Variants in MBD2 observed in about 807,000 individuals in gnomAD.
The protein encoded by MBD2 is methyl-CpG-binding domain protein 2.
MBD2 carries 9 observed loss-of-function variants against 39.3 expected under a neutral mutation model. That is an observed-to-expected ratio of 0.23 (90% confidence interval 0.14 to 0.40). MBD2 has a LOEUF of 0.40. MBD2 is among the 10% of genes least tolerant of loss of function. MBD2 has a pLI of 1.00. For synonymous variants in MBD2, 233 were observed against 211.1 expected (o/e 1.10, Z -0.90); for missense variants, 458 against 532.6 (o/e 0.86, Z 1.38).
chr18:54,215,797 T>C (rs2086554392), intron 1 of MBD2, among the ~76,000 whole-genome samples: 1 of 150,196 alleles, frequency 6.7e-6, no homozygotes, highest in African/African-American at 2.5e-5. Flanking sequence ...CCCGGCCTTT[T>C]TTTTTTTGTT....
At chr18:54,160,476 C>T (rs919536995) in intron 5 of MBD2, among the ~76,000 whole-genome samples, 9 of 151,544 alleles carry the variant, frequency 5.9e-5, no homozygotes, top group African/African-American at 2.2e-4. Flanking sequence ...ACTGAAAAGC[C>T]TCTCTTCAAA....
At chr18:54,177,727 G>A (rs545589489) in intron 3 of MBD2, among the ~76,000 whole-genome samples, 1 of 149,612 alleles carries the variant, frequency 6.7e-6, no homozygotes, top group Non-Finnish European at 1.5e-5. Flanking sequence ...TTATCCGCCC[G>A]CCTCAGCCTC....
At chr18:54,170,423 C>T (rs1599079692) in intron 3 of MBD2, among the ~76,000 whole-genome samples, 1 of 152,196 alleles carries the variant, frequency 6.6e-6, no homozygotes, top group African/African-American at 2.4e-5. Context: ...TCACAAACAA[C>T]TCCTCGCCAC....
intron 3 of MBD2, among the ~76,000 whole-genome samples, chr18:54,170,697 C>T (rs1289047009): frequency 6.6e-6 from 1 of 152,174 alleles, no homozygotes; most frequent in Admixed American, 6.5e-5. Flanking sequence ...AATCGCTGCC[C>T]TCCAGGAGGT....
At chr18:54,197,730 C>T (rs1373873326) in intron 2 of MBD2, among the ~76,000 whole-genome samples, 2 of 152,160 alleles carry the variant, frequency 1.3e-5, no homozygotes, top group Admixed American at 6.5e-5. Flanking sequence ...CACGGGCACG[C>T]GTCTAGATCA....
At chr18:54,156,334 G>A (rs1419611625) in intron 6 of MBD2, among the ~76,000 whole-genome samples, 1 of 152,098 alleles carries the variant, frequency 6.6e-6, no homozygotes, top group Non-Finnish European at 1.5e-5. Flanking sequence ...TAAATAATTT[G>A]AATCTCTCCC....
intron 3 of MBD2, among the ~76,000 whole-genome samples, chr18:54,170,913 G>A (rs1025246983): frequency 7.2e-5 from 11 of 152,184 alleles, no homozygotes; most frequent in African/African-American, 2.7e-4. Context: ...GTGCAGGTCA[G>A]TGTTTCTAAA....
chr18:54,193,166 T>C (rs1020925618), intron 2 of MBD2, among the ~76,000 whole-genome samples: 1 of 152,224 alleles, frequency 6.6e-6, no homozygotes, highest in South Asian at 2.1e-4. Context: ...ACTATTAATT[T>C]ATGCCCAGTT....
chr18:54,222,905 A>G (rs1332050584), intron 1 of MBD2, among the ~76,000 whole-genome samples: 1 of 152,242 alleles, frequency 6.6e-6, no homozygotes, highest in South Asian at 2.1e-4. Flanking sequence ...TTAGTTCATA[A>G]GCATGGTATG....
chr18:54,170,857 A>C (rs1406322364), intron 3 of MBD2, among the ~76,000 whole-genome samples: 1 of 152,206 alleles, frequency 6.6e-6, no homozygotes, highest in Non-Finnish European at 1.5e-5. Context: ...TAGAAGAGAA[A>C]AGACTATTCC....
At chr18:54,220,067 C>T (rs1174545808) in intron 1 of MBD2, among the ~76,000 whole-genome samples, 7 of 152,174 alleles carry the variant, frequency 4.6e-5, no homozygotes, top group African/African-American at 1.7e-4. Context: ...TCCCAAAGTG[C>T]TGGGATTACA....
intron 2 of MBD2, among the ~76,000 whole-genome samples, chr18:54,202,231 T>C (rs1461700766): frequency 1.3e-5 from 2 of 151,810 alleles, no homozygotes; most frequent in Non-Finnish European, 2.9e-5. Context: ...TAATCCCAGC[T>C]ACTCAGGAGG....
At chr18:54,218,049 C>CA (rs1447569347) in intron 1 of MBD2, among the ~76,000 whole-genome samples, 2 of 152,148 alleles carry the variant, frequency 1.3e-5, no homozygotes, top group Non-Finnish European at 2.9e-5. Flanking sequence ...TAAAGCAAGC[C>CA]AAACTTTCTA....
At chr18:54,220,726 T>C (rs2086604396) in intron 1 of MBD2, among the ~76,000 whole-genome samples, 1 of 152,246 alleles carries the variant, frequency 6.6e-6, no homozygotes. Flanking sequence ...GACACTAATA[T>C]GTAAAGCAGT....
rs747776050 is a variant in MBD2, at chr18:54,154,287, G to C, written c.*1037C>G. Reference sequence around the variant, plus strand: ...TTCAAGTGGTATGAAAGTTACACTCGCGAGTTTCAACAGAAAAAGAATGTT... The same window carrying C: ...TTCAAGTGGTATGAAAGTTACACTCCCGAGTTTCAACAGAAAAAGAATGTT... On this transcript the variant is annotated 3_prime_UTR_variant, in exon 7 of 7. Transcript: ENST00000256429. 6.6e-6 allele frequency: 1 copy of C among 152,052 alleles called. No homozygotes were observed. Among genetic ancestry groups the C allele is most frequent in the Admixed American group, 6.6e-5 (1 of 15,266 alleles). The allele number at this position is 152,052 out of a possible 1,614,324, so 9.4% of individuals were successfully genotyped here. A position where few individuals can be genotyped will look rare whatever the true frequency, so the allele number is the denominator to read the frequency against.
chr18:54,198,690 G>A (rs2086383978), intron 2 of MBD2, among the ~76,000 whole-genome samples: 2 of 152,240 alleles, frequency 1.3e-5, no homozygotes, highest in African/African-American at 4.8e-5. Context: ...CCCCCTGGGT[G>A]AGAAAGTGAG....
At position 54,202,852 on chromosome 18, in the gene MBD2, A is replaced by G. The variant is rs1382276615; in HGVS notation, c.702+2146T>C. ...ATGGAGCTCACAGTCTAGCTGAAGC[A>G]GACAAACAAGTCACAAATACAATGG... is the stretch of plus-strand genomic sequence containing the variant. On this transcript the variant is annotated intron_variant, in intron 2 of 6. Transcript: ENST00000256429. 8 of 1,419,790 alleles carry G rather than the reference A, an allele frequency of 5.6e-6. No individual in the cohort carries two copies. In the Admixed American group the frequency reaches 1.3e-4, roughly 24 times the overall value. The allele number at this position is 1,419,790 out of a possible 1,614,324, so 87.9% of individuals were successfully genotyped here.
At chr18:54,157,255 T>A (rs1162900667) in intron 6 of MBD2, among the ~76,000 whole-genome samples, 1 of 151,904 alleles carries the variant, frequency 6.6e-6, no homozygotes, top group Non-Finnish European at 1.5e-5. Context: ...CTGAACTGGA[T>A]TGAAATGATT....
intron 3 of MBD2, among the ~76,000 whole-genome samples, chr18:54,177,280 G>A (rs1460604200): frequency 6.6e-6 from 1 of 152,150 alleles, no homozygotes; most frequent in Non-Finnish European, 1.5e-5. Context: ...TATGAAGATG[G>A]GGGCATGTTC....
Sources: gnomAD v4.1 joint callset for allele counts (sites outside exome capture counted in the v4.1 genomes callset) on GRCh38, gnomAD v4.1.1 for gene constraint, MANE v1.5 for transcripts, NCBI Gene and HGNC (gene_info 2026-07-23, HGNC 2026-07-21) for gene names.